MACROD2: variants seen among roughly 807,000 people sequenced by gnomAD.
MACROD2 encodes the protein mono-ADP ribosylhydrolase 2, also known as ADP-ribose glycohydrolase MACROD2.
MACROD2 carries 36 observed loss-of-function variants against 70.4 expected under a neutral mutation model. That is an observed-to-expected ratio of 0.51 (90% CI 0.39 to 0.68). The LOEUF (loss-of-function observed/expected upper bound fraction) is 0.68. MACROD2 is among the 30% of genes least tolerant of loss of function. The pLI is 0.00. For missense variants in MACROD2, 496 were observed against 538.4 expected (o/e 0.92, Z 0.78); for synonymous variants, 172 against 178.8 (o/e 0.96, Z 0.30).
chr20:14,461,326 AAC>A (rs1202636248), intron 3 of MACROD2, among the ~76,000 whole-genome samples: 1 of 151,762 alleles, frequency 6.6e-6, no homozygotes, highest in Non-Finnish European at 1.5e-5. Flanking sequence ...TTTCTTCTTT[AAC>A]AGTCTGGCTA....
intron 6 of MACROD2, among the ~76,000 whole-genome samples, chr20:15,317,640 C>T (rs1418507247): frequency 6.6e-6 from 1 of 151,868 alleles, no homozygotes; most frequent in Non-Finnish European, 1.5e-5. Context: ...AAGTTCCAGT[C>T]CAATGGCTTT....
chr20:14,643,535 T>A (rs1316506576), intron 4 of MACROD2, among the ~76,000 whole-genome samples: 1 of 152,232 alleles, frequency 6.6e-6, no homozygotes, highest in Non-Finnish European at 1.5e-5. Flanking sequence ...TGATGAGCTC[T>A]AGGAGCATTC....
intron 5 of MACROD2, among the ~76,000 whole-genome samples, chr20:15,064,974 C>T (rs1358324531): frequency 6.6e-6 from 1 of 152,112 alleles, no homozygotes; most frequent in East Asian, 1.9e-4. Flanking sequence ...AGTGTGCACA[C>T]CATATGAATA....
chr20:14,582,376 C>T (rs1711861539), intron 4 of MACROD2, among the ~76,000 whole-genome samples: 1 of 152,028 alleles, frequency 6.6e-6, no homozygotes, highest in African/African-American at 2.4e-5. Flanking sequence ...ACCATGTTAT[C>T]CCCATGCTTT....
chr20:15,366,934 G>A (rs777807752), intron 6 of MACROD2, among the ~76,000 whole-genome samples: 31 of 151,950 alleles, frequency 2.0e-4, no homozygotes, highest in Non-Finnish European at 3.7e-4. Flanking sequence ...GTTTTGTCTT[G>A]ACACACTAAT....
intron 8 of MACROD2, among the ~76,000 whole-genome samples, chr20:15,788,308 G>C (rs1360834700): frequency 2.6e-5 from 4 of 152,146 alleles, no homozygotes; most frequent in African/African-American, 9.7e-5. Context: ...TATACTTTAA[G>C]GGTAACTAAA....
At chr20:14,592,452 C>G (rs1981835494) in intron 4 of MACROD2, among the ~76,000 whole-genome samples, 1 of 152,142 alleles carries the variant, frequency 6.6e-6, no homozygotes, top group South Asian at 2.1e-4. Flanking sequence ...GAGACACAAT[C>G]TTGTTCTGTC....
chr20:15,201,196 T>C (rs1323639706), intron 5 of MACROD2, among the ~76,000 whole-genome samples: 1 of 152,148 alleles, frequency 6.6e-6, no homozygotes, highest in Non-Finnish European at 1.5e-5. Context: ...TCTTAGGTTG[T>C]CTAGAAGGAA....
rs572385436 is a variant in MACROD2, at chr20:15,501,201, T to A, written c.645+1354T>A. Among the ~76,000 whole-genome samples the A allele has an allele frequency of 1.7e-4, 26 of 152,354 alleles. No homozygotes were observed. The South Asian group carries it at 5.2e-3, about 30-fold the overall frequency. On this transcript the variant is annotated intron_variant, in intron 8 of 17. Transcript: ENST00000684519. ...AAGCCAGTTATCTTCAATATATTGC[T>A]TGGTCATAGTAAATGTTCCACACCT... is the stretch of plus-strand genomic sequence containing the variant.
intron 3 of MACROD2, among the ~76,000 whole-genome samples, chr20:14,354,057 G>T (rs1043488459): frequency 6.6e-6 from 1 of 152,058 alleles, no homozygotes; most frequent in African/African-American, 2.4e-5. Context: ...TAATTGTCAG[G>T]ATTTTTGTTT....
chr20:14,453,749 A>G (rs1425453511), intron 3 of MACROD2, among the ~76,000 whole-genome samples: 3 of 151,996 alleles, frequency 2.0e-5, no homozygotes, highest in Admixed American at 2.0e-4. Flanking sequence ...AAAGAATGCC[A>G]CTCTTAACAG....
Position 15,298,218 on chromosome 20 carries a change from G to A in MACROD2, c.540+68157G>A, listed in dbSNP as rs573659031. Among the ~76,000 whole-genome samples the A allele has an allele frequency of 2.6e-5, 4 of 152,324 alleles. No homozygotes were observed. In the East Asian group the frequency reaches 7.7e-4, roughly 29 times the overall value. ...TCTTCCTCTGTAAAATGAGCCTACT[G>A]AAGCCTCTGGAACAGGGGTTGTGTG... On this transcript the variant is annotated intron_variant, in intron 6 of 17. Coordinates refer to ENST00000684519, the MANE Select transcript of MACROD2 (RefSeq NM_001351661.2).
chr20:15,192,788 G>A (rs568705066), intron 5 of MACROD2, among the ~76,000 whole-genome samples: 1 of 152,346 alleles, frequency 6.6e-6, no homozygotes, highest in Admixed American at 6.5e-5. Flanking sequence ...ATAAACAGCA[G>A]AGGGTTCTAG....
At position 14,281,933 on chromosome 20, in the gene MACROD2, C is replaced by CAAA. The variant is rs571115190; in HGVS notation, c.271+196221_271+196223dup. On this transcript the variant is annotated intron_variant, in intron 3 of 17. Coordinates refer to ENST00000684519, the MANE Select transcript of MACROD2 (RefSeq NM_001351661.2). ...CTTGGCGACAGAGCAGACTCCCTCTCAAAAAAAAAAAAAAAAAAGAAAAGA... is the reference window on the plus strand; with the variant it reads ...CTTGGCGACAGAGCAGACTCCCTCTCAAAAAAAAAAAAAAAAAAAAAGAAAAGA... Among the ~76,000 whole-genome samples, 14 of 96,494 alleles carry CAAA rather than the reference C, an allele frequency of 1.5e-4. 1 individual carries two copies. The highest frequency in any genetic ancestry group is 3.1e-4 in the African/African-American group (7 of 22,834). 63.3% of individuals were successfully genotyped at this position (96,494 alleles called of 152,430 possible).
chr20:15,857,344 G>T (rs1376380749), intron 8 of MACROD2, among the ~76,000 whole-genome samples: 1 of 152,164 alleles, frequency 6.6e-6, no homozygotes, highest in Non-Finnish European at 1.5e-5. Context: ...AAAGACAAAT[G>T]AAAGTCACAA....
chr20:16,042,598 A>G (rs78740844), intron 16 of MACROD2, among the ~76,000 whole-genome samples: 1,991 of 152,124 alleles, frequency 0.013, 14 homozygotes, highest in Non-Finnish European at 0.021. Context: ...ATTTATTAGT[A>G]GGTTTTAGAA....
chr20:14,403,917 C>A (rs1307103471), intron 3 of MACROD2, among the ~76,000 whole-genome samples: 1 of 151,714 alleles, frequency 6.6e-6, no homozygotes, highest in African/African-American at 2.4e-5. Context: ...TTGGAAAAAT[C>A]AGATATAGAA....
rs552146951 is a variant in MACROD2 at position 15,142,685 on chromosome 20, C to T, written c.419-87255C>T. 8.0e-5 allele frequency among the ~76,000 whole-genome samples: 12 copies of T among 149,292 alleles called. No individual in the cohort carries two copies. In the South Asian group the frequency reaches 2.4e-3, roughly 30 times the overall value. On this transcript the variant is annotated intron_variant, in intron 5 of 17. Transcript: ENST00000684519. ...CCTCCCCCCACCCCATGACAGGCCCCGGTGTGTGATGTTCCCCACCCTGTG... is the reference window on the plus strand; with the variant it reads ...CCTCCCCCCACCCCATGACAGGCCCTGGTGTGTGATGTTCCCCACCCTGTG...
At chr20:15,491,217 A>G (rs184582497) in intron 7 of MACROD2, among the ~76,000 whole-genome samples, 136 of 152,254 alleles carry the variant, frequency 8.9e-4, no homozygotes, top group Non-Finnish European at 1.5e-4. Context: ...TACTCCCCGA[A>G]GTGAAATATT....
Sources: gnomAD v4.1 joint callset for allele counts (sites outside exome capture counted in the v4.1 genomes callset) on GRCh38, gnomAD v4.1.1 for gene constraint, MANE v1.5 for transcripts, NCBI Gene and HGNC (gene_info 2026-07-23, HGNC 2026-07-21) for gene names.